Variants in SND1 observed in about 807,000 individuals in gnomAD.
SND1 encodes the protein staphylococcal nuclease and tudor domain containing 1, also known as staphylococcal nuclease domain-containing protein 1.
A neutral mutation model predicts 121.7 loss-of-function variants in SND1; 38 were observed. That is an observed-to-expected ratio of 0.31 (90% CI 0.24 to 0.41). The LOEUF (loss-of-function observed/expected upper bound fraction) is 0.41. SND1 is among the 10% of genes least tolerant of loss of function. SND1 has a pLI of 1.00. For synonymous variants in SND1, 401 were observed against 447.4 expected (o/e 0.90, Z 1.31); for missense variants, 868 against 1,184.6 (o/e 0.73, Z 3.92).
chr7:127,901,858 A>AT (rs1438064081), intron 13 of SND1, among the ~76,000 whole-genome samples: 2 of 152,222 alleles, frequency 1.3e-5, no homozygotes, highest in Non-Finnish European at 2.9e-5. Flanking sequence ...CAGAACACAA[A>AT]TAAGTATCTG....
At chr7:127,733,884 C>CT (rs1268966357) in intron 10 of SND1, among the ~76,000 whole-genome samples, 1 of 152,086 alleles carries the variant, frequency 6.6e-6, no homozygotes, top group Admixed American at 6.5e-5. Flanking sequence ...ATGGTGAAAT[C>CT]TAGTTGAGCT....
Position 128,029,432 on chromosome 7 carries a change from G to T in SND1, c.1779+38376G>T. The T allele has an allele frequency of 6.2e-7, 1 of 1,614,242 alleles. No homozygotes were observed. Among genetic ancestry groups the T allele is most frequent in the South Asian group, 1.1e-5 (1 of 91,086 alleles). On this transcript the variant is annotated intron_variant, in intron 16 of 23. Coordinates refer to ENST00000354725, the MANE Select transcript of SND1 (RefSeq NM_014390.4). The surrounding 1 kb of genome is among the most constrained non-coding windows in gnomAD (Gnocchi z 4.2). ...AAAAGTTCAAGGTGCCGTCGTTGAG[G>T]ACAGAGATCCTTGGGTGGCGGGAGG...
chr7:128,043,429 C>T (rs1287484922), intron 16 of SND1, among the ~76,000 whole-genome samples: 1 of 152,012 alleles, frequency 6.6e-6, no homozygotes, highest in East Asian at 1.9e-4. Context: ...CAAAAATTAG[C>T]CAGGTGTAGT....
chr7:127,703,084 T>A, intron 6 of SND1, 81 bp from the exon 7 acceptor site: 1 of 1,516,456 alleles, frequency 6.6e-7, no homozygotes, highest in Admixed American at 1.8e-5. Flanking sequence ...ATGTGTGTTT[T>A]TTGGAAGGCT....
At chr7:128,023,084 C>T (rs902905424) in intron 16 of SND1, among the ~76,000 whole-genome samples, 2 of 152,214 alleles carry the variant, frequency 1.3e-5, no homozygotes, top group African/African-American at 4.8e-5. Flanking sequence ...CAGCCAGCCT[C>T]TTGCTTGCTA....
chr7:127,661,669 T>G (rs1178277676), intron 1 of SND1, among the ~76,000 whole-genome samples: 1 of 152,168 alleles, frequency 6.6e-6, no homozygotes, highest in Non-Finnish European at 1.5e-5. Context: ...TTGATGGCCT[T>G]TTTTCATTTT....
intron 11 of SND1, among the ~76,000 whole-genome samples, chr7:127,836,976 TTC>T (rs1798879186): frequency 6.6e-6 from 1 of 152,224 alleles, no homozygotes; most frequent in Admixed American, 6.5e-5. Context: ...ACACCTGAAA[TTC>T]TTTTTCTGAA....
At chr7:127,836,430 G>T (rs370393849) in intron 11 of SND1, among the ~76,000 whole-genome samples, 1 of 152,152 alleles carries the variant, frequency 6.6e-6, no homozygotes, top group African/African-American at 2.4e-5. Context: ...GATTTGGAAG[G>T]GGGTGTTAGA....
At chr7:127,823,872 A>C (rs1030785769) in intron 11 of SND1, among the ~76,000 whole-genome samples, 2 of 152,206 alleles carry the variant, frequency 1.3e-5, no homozygotes, top group African/African-American at 4.8e-5. Context: ...TTCTAATCCC[A>C]TAGGTAGCAT....
intron 15 of SND1, among the ~76,000 whole-genome samples, chr7:127,953,090 G>C (rs1801498753): frequency 6.6e-6 from 1 of 151,438 alleles, no homozygotes; most frequent in Non-Finnish European, 1.5e-5. Context: ...CTTGAGCCTG[G>C]GAGGTCGAGG....
At chr7:128,007,726 G>T (rs1324213970) in intron 16 of SND1, among the ~76,000 whole-genome samples, 1 of 152,140 alleles carries the variant, frequency 6.6e-6, no homozygotes, top group Non-Finnish European at 1.5e-5. Flanking sequence ...AAAAATTTAG[G>T]AATGGAAATC....
intron 7 of SND1, 95 bp from the exon 8 acceptor site, chr7:127,704,744 T>G (rs1181091902): frequency 2.0e-6 from 2 of 1,019,254 alleles, no homozygotes; most frequent in African/African-American, 3.2e-5. Flanking sequence ...CAGACTAGTT[T>G]GTGACTGTGT....
At chr7:128,013,373 G>A (rs1432340514) in intron 16 of SND1, among the ~76,000 whole-genome samples, 2 of 152,192 alleles carry the variant, frequency 1.3e-5, no homozygotes, top group East Asian at 3.8e-4. Flanking sequence ...GGCAGGGTGC[G>A]GATCACTATA....
At chr7:128,009,570 C>A (rs1803065638) in intron 16 of SND1, among the ~76,000 whole-genome samples, 1 of 152,172 alleles carries the variant, frequency 6.6e-6, no homozygotes, top group African/African-American at 2.4e-5. Context: ...ATGGTTTATA[C>A]AACTGATTAA....
chr7:128,067,711 G>A (rs1298749035), intron 16 of SND1, among the ~76,000 whole-genome samples: 3 of 152,160 alleles, frequency 2.0e-5, no homozygotes, highest in South Asian at 4.1e-4. Flanking sequence ...ACTGCCTCAG[G>A]CATTGTGCAC....
At chr7:127,896,168 C>T (rs1218978129) in intron 13 of SND1, among the ~76,000 whole-genome samples, 1 of 151,974 alleles carries the variant, frequency 6.6e-6, no homozygotes, top group Non-Finnish European at 1.5e-5. Context: ...TGTGTCTTCC[C>T]CCACCCCCAT....
At chr7:127,670,190 T>C (rs1266380343) in intron 1 of SND1, among the ~76,000 whole-genome samples, 1 of 152,142 alleles carries the variant, frequency 6.6e-6, no homozygotes. Flanking sequence ...AGTTTCACCA[T>C]GTTGGCCAGG....
At chr7:128,075,245 G>T (rs1427532459) in intron 17 of SND1, among the ~76,000 whole-genome samples, 1 of 152,378 alleles carries the variant, frequency 6.6e-6, no homozygotes, top group East Asian at 1.9e-4. Context: ...GACAATTGAG[G>T]AATGCAGTGA....
intron 16 of SND1, chr7:128,042,429 C>T (rs1299126211): frequency 6.6e-6 from 1 of 152,286 alleles, no homozygotes; most frequent in Non-Finnish European, 1.5e-5. Flanking sequence ...TCAGCAGGAT[C>T]CATTCAAGGT....
Sources: gnomAD v4.1 joint callset for allele counts (sites outside exome capture counted in the v4.1 genomes callset) on GRCh38, gnomAD v4.1.1 for gene constraint, Gnocchi (gnomAD v3.1) non-coding constraint, MANE v1.5 for transcripts, NCBI Gene and HGNC (gene_info 2026-07-23, HGNC 2026-07-21) for gene names.